The following CNNM2 variants were observed in gnomAD, a reference collection of about 807,000 sequenced individuals.
The protein encoded by CNNM2 is metal transporter CNNM2.
A neutral mutation model predicts 66.9 loss-of-function variants in CNNM2; 12 were observed. The ratio of observed to expected loss-of-function variants is 0.18; its 90% confidence interval spans 0.11 to 0.29. The LOEUF (loss-of-function observed/expected upper bound fraction) is 0.29, where lower values mean the gene tolerates loss of function less well. Among genes scored for constraint, CNNM2 ranks in the 10% least tolerant of loss-of-function variants. The pLI is 1.00. For synonymous variants in CNNM2, 557 were observed against 501.8 expected, an observed-to-expected ratio of 1.11 and a Z score of -1.47; for missense variants, 705 against 1,167.7, an observed-to-expected ratio of 0.60 and a Z score of 5.77.
In CNNM2 at chr10:103,089,937, A is replaced by G; in HGVS notation, c.*12757A>G. ...GACAGAAAAAAGCTAGAGGCTCAGA[A>G]AGCAGGCAGAGCAAAGTAGCTACTC... On this transcript the variant is annotated 3_prime_UTR_variant, in exon 8 of 8. Transcript: ENST00000369878. The G allele has an allele frequency of 1.9e-6, 3 of 1,552,584 alleles. No homozygotes were observed. The highest frequency in any genetic ancestry group is 2.6e-6 in the Non-Finnish European group (3 of 1,148,260).
intron 6 of CNNM2, 63 bp downstream of exon 6, chr10:103,071,902 T>C: frequency 6.9e-7 from 1 of 1,450,986 alleles, no homozygotes; most frequent in Non-Finnish European, 9.7e-7. Context: ...CCATCACGCC[T>C]GGCTGGCTGG....
intron 1 of CNNM2, among the ~76,000 whole-genome samples, chr10:102,992,498 C>G (rs1360268340): frequency 3.9e-5 from 6 of 152,112 alleles, no homozygotes; most frequent in African/African-American, 7.2e-5. Flanking sequence ...GTCTCGAACT[C>G]CTGATCTCGA....
intron 1 of CNNM2, among the ~76,000 whole-genome samples, chr10:103,028,325 T>A (rs2064746983): frequency 2.0e-5 from 3 of 152,346 alleles, no homozygotes; most frequent in African/African-American, 7.2e-5. Flanking sequence ...CACTTATCTT[T>A]TTTTACTTGA....
At chr10:102,968,089 T>A (rs1044469243) in intron 1 of CNNM2, among the ~76,000 whole-genome samples, 1 of 150,708 alleles carries the variant, frequency 6.6e-6, no homozygotes, top group African/African-American at 2.4e-5. Flanking sequence ...TACTTAAGAG[T>A]GAAGTTTCTG....
At chr10:103,041,367 A>G (rs558625143) in intron 1 of CNNM2, among the ~76,000 whole-genome samples, 1 of 152,324 alleles carries the variant, frequency 6.6e-6, no homozygotes, top group African/African-American at 2.4e-5. Context: ...AAGAGAAAAG[A>G]CAAAGATTTC....
chr10:102,999,204 G>C (rs943306092), intron 1 of CNNM2, among the ~76,000 whole-genome samples: 3 of 151,246 alleles, frequency 2.0e-5, no homozygotes, highest in African/African-American at 7.3e-5. Context: ...CCGAGTAGCT[G>C]GGACTACAGG....
chr10:103,087,543 A>G lies in CNNM2; in HGVS notation c.*10363A>G, dbSNP rs796787186. 21 of 152,174 alleles carry G rather than the reference A, an allele frequency of 1.4e-4. No individual in the cohort carries two copies. The highest frequency in any genetic ancestry group is 4.6e-4 in the African/African-American group (19 of 41,586). The allele number at this position is 152,174 out of a possible 1,614,324, so 9.4% of individuals were successfully genotyped here. On this transcript the variant is annotated 3_prime_UTR_variant, in exon 8 of 8. Coordinates refer to ENST00000369878, the MANE Select transcript of CNNM2 (RefSeq NM_017649.5). Reference sequence around the variant, plus strand: ...AATACAAAAAGTGGTAAATTAAAGCAAAGCAATCATGTGGTCCTTACTCTA... The same window carrying G: ...AATACAAAAAGTGGTAAATTAAAGCGAAGCAATCATGTGGTCCTTACTCTA...
intron 1 of CNNM2, among the ~76,000 whole-genome samples, chr10:102,928,426 CA>C (rs1418846396): frequency 6.6e-6 from 1 of 151,826 alleles, no homozygotes; most frequent in Non-Finnish European, 1.5e-5. Context: ...ACTAAAAACA[CA>C]AAAAATTAGC....
At chr10:102,967,930 C>T (rs1449516707) in intron 1 of CNNM2, among the ~76,000 whole-genome samples, 3 of 152,170 alleles carry the variant, frequency 2.0e-5, no homozygotes, top group African/African-American at 4.8e-5. Context: ...ATCGCTTGAA[C>T]CTGGGAGGCG....
chr10:102,928,103 TA>T (rs1845939005), intron 1 of CNNM2, among the ~76,000 whole-genome samples: 2 of 152,370 alleles, frequency 1.3e-5, no homozygotes, highest in Non-Finnish European at 2.9e-5. Context: ...AAAATGGGGA[TA>T]TTTTCTAACT....
chr10:103,071,892 C>G (rs796922489), intron 6 of CNNM2, 53 bp downstream of exon 6: 31 of 1,521,438 alleles, frequency 2.0e-5, no homozygotes, highest in African/African-American at 1.5e-4. Context: ...TCCTTGCCCC[C>G]CATCACGCCT....
rs10580172 is a variant in CNNM2, at chr10:102,962,690, C to CTGTGTGTGTGTGTG, written c.1621+42617_1621+42630dup. On this transcript the variant is annotated intron_variant, in intron 1 of 7. Coordinates refer to ENST00000369878, the MANE Select transcript of CNNM2 (RefSeq NM_017649.5). ...GGGAGAATTCTCACAATATGATATA[C>CTGTGTGTGTGTGTG]TGTGTGTGTGTGTGTGTGTGTGTGT... Among the ~76,000 whole-genome samples, 17 of 143,902 alleles carry CTGTGTGTGTGTGTG rather than the reference C, an allele frequency of 1.2e-4. 1 individual carries two copies. The highest frequency in any genetic ancestry group is 6.9e-3 in the Middle Eastern group (2 of 288). The allele number at this position is 143,902 out of a possible 152,430, so 94.4% of individuals were successfully genotyped here. A position where few individuals can be genotyped will look rare whatever the true frequency, so the allele number is the denominator to read the frequency against.
intron 1 of CNNM2, among the ~76,000 whole-genome samples, chr10:103,006,958 C>T (rs2064240828): frequency 6.6e-6 from 1 of 152,138 alleles, no homozygotes; most frequent in Admixed American, 6.6e-5. Flanking sequence ...ATTTTTGAGG[C>T]CTTAAGTTCT....
chr10:103,010,305 A>G (rs1423265876), intron 1 of CNNM2, among the ~76,000 whole-genome samples: 1 of 147,294 alleles, frequency 6.8e-6, no homozygotes. Context: ...TGGTGCAATC[A>G]TGGCGCACTA....
chr10:103,025,174 C>T (rs781646322), intron 1 of CNNM2, among the ~76,000 whole-genome samples: 6 of 152,222 alleles, frequency 3.9e-5, no homozygotes, highest in Non-Finnish European at 5.9e-5. Context: ...TCGCGGCAAC[C>T]TCCAACTCCC....
chr10:102,974,060 G>A (rs143236918), intron 1 of CNNM2, among the ~76,000 whole-genome samples: 1 of 152,214 alleles, frequency 6.6e-6, no homozygotes, highest in African/African-American at 2.4e-5. Context: ...AGGCATTGAC[G>A]TCCTTGGGAA....
intron 4 of CNNM2, among the ~76,000 whole-genome samples, chr10:103,061,396 A>AT (rs1564866325): frequency 6.6e-6 from 1 of 152,250 alleles, no homozygotes; most frequent in East Asian, 1.9e-4. Context: ...GTCTCAAAAA[A>AT]ATATATATAA....
intron 1 of CNNM2, among the ~76,000 whole-genome samples, chr10:102,932,474 T>C (rs1846096440): frequency 6.6e-6 from 1 of 152,216 alleles, no homozygotes. Context: ...AGCTCTTTCA[T>C]TTAAGTCATT....
At chr10:102,939,843 C>G (rs1846362993) in intron 1 of CNNM2, among the ~76,000 whole-genome samples, 2 of 152,094 alleles carry the variant, frequency 1.3e-5, no homozygotes, top group African/African-American at 4.8e-5. Flanking sequence ...TGGCGCACAC[C>G]TGTAATCCCA....
Sources: allele counts gnomAD v4.1 joint callset (sites outside exome capture counted in the v4.1 genomes callset), GRCh38; gene constraint gnomAD v4.1.1; transcripts MANE v1.5; gene names NCBI Gene and HGNC (gene_info 2026-07-23, HGNC 2026-07-21).